Variants in CYREN observed in about 807,000 individuals in gnomAD.
CYREN encodes the protein cell cycle regulator of NHEJ.
CYREN carries 7 observed loss-of-function variants against 9.7 expected under a neutral mutation model. That is an observed-to-expected ratio of 0.72 (90% confidence interval 0.41 to 1.36). The LOEUF is 1.36. Ranked by LOEUF, CYREN falls within the 40% of genes most tolerant of loss-of-function variation. The pLI is 0.01. For missense variants in CYREN, 215 were observed against 198.1 expected (o/e 1.09, Z -0.51); for synonymous variants, 76 against 77.9 (o/e 0.98, Z 0.13).
intron 2 of CYREN, among the ~76,000 whole-genome samples, chr7:135,102,598 G>A (rs1824008235): frequency 9.1e-6 from 1 of 110,330 alleles, no homozygotes; most frequent in South Asian, 3.9e-4. Context: ...CTTTCAGTAT[G>A]AGAGAACTTT....
exon 3 of CYREN, chr7:135,094,437 C>T (rs1822337930): frequency 2.2e-6 from 1 of 456,540 alleles, no homozygotes; most frequent in South Asian, 1.5e-5. Context: ...GTGATTTTAA[C>T]AAATTGCCAG....
chr7:135,165,253 T>C (rs1245612289), downstream of CYREN: 3 of 419,008 alleles, frequency 7.2e-6, no homozygotes, highest in Non-Finnish European at 1.3e-5. Flanking sequence ...ATGCAGCTCA[T>C]TGTCACACCA....
At chr7:135,157,363 G>A (rs1422814529) in intron 2 of CYREN, among the ~76,000 whole-genome samples, 1 of 152,228 alleles carries the variant, frequency 6.6e-6, no homozygotes, top group East Asian at 1.9e-4. Flanking sequence ...TTTCCTCAGT[G>A]GGATAGAGTA....
chr7:135,155,982 T>G (rs776109744), intron 2 of CYREN, among the ~76,000 whole-genome samples: 3 of 152,202 alleles, frequency 2.0e-5, no homozygotes, highest in Admixed American at 6.5e-5. Context: ...TTTCTCCTTT[T>G]ATAAAGCTTA....
At chr7:135,105,221 C>T (rs1308175577) in intron 2 of CYREN, among the ~76,000 whole-genome samples, 1 of 152,080 alleles carries the variant, frequency 6.6e-6, no homozygotes, top group Non-Finnish European at 1.5e-5. Context: ...AGGTGCCCAC[C>T]ACCACGTCTG....
intron 2 of CYREN, among the ~76,000 whole-genome samples, chr7:135,111,168 C>T (rs1317332335): frequency 2.9e-5 from 4 of 138,962 alleles, no homozygotes; most frequent in African/African-American, 1.0e-4. Flanking sequence ...ATCCTTCCTT[C>T]TTGTTTCAAA....
At chr7:135,127,137 T>G (rs1030391569) in intron 2 of CYREN, among the ~76,000 whole-genome samples, 1 of 151,814 alleles carries the variant, frequency 6.6e-6, no homozygotes, top group African/African-American at 2.4e-5. Flanking sequence ...AGGTCTAATA[T>G]CCAGAATTTA....
intron 2 of CYREN, among the ~76,000 whole-genome samples, chr7:135,156,644 G>T (rs1446274705): frequency 6.6e-6 from 1 of 152,022 alleles, no homozygotes; most frequent in Non-Finnish European, 1.5e-5. Flanking sequence ...TTAGTTTTCA[G>T]ATTTCTCTTG....
chr7:135,097,257 A>G (rs1041769212), intron 2 of CYREN, among the ~76,000 whole-genome samples: 3 of 152,148 alleles, frequency 2.0e-5, no homozygotes, highest in African/African-American at 7.2e-5. Flanking sequence ...CTTAAAGGGT[A>G]GAGCTCATTT....
intron 2 of CYREN, chr7:135,148,129 A>C (rs113262738): frequency 2.2e-6 from 1 of 454,090 alleles, no homozygotes; most frequent in African/African-American, 2.0e-5. Context: ...TCAGGACTGC[A>C]TCTGCCTGCC....
intron 3 of CYREN, 78 bp from the exon 4 acceptor site, chr7:135,166,949 T>G: frequency 6.4e-7 from 1 of 1,559,714 alleles, no homozygotes; most frequent in Non-Finnish European, 8.7e-7. Context: ...TAACACAGGA[T>G]GTATCTAGAA....
intron 2 of CYREN, among the ~76,000 whole-genome samples, chr7:135,131,305 G>A (rs1163018238): frequency 1.3e-5 from 2 of 151,974 alleles, no homozygotes; most frequent in Non-Finnish European, 2.9e-5. Context: ...ACACACCAGG[G>A]CCTGTTGCGG....
At chr7:135,139,488 A>G (rs1406196315) in intron 2 of CYREN, among the ~76,000 whole-genome samples, 2 of 150,948 alleles carry the variant, frequency 1.3e-5, no homozygotes, top group African/African-American at 2.4e-5. Context: ...CCTTTCTTAG[A>G]TGCATAGTTT....
At position 135,102,586 on chromosome 7, in the gene CYREN, T is replaced by G. The variant is rs1384782383; in HGVS notation, n.357-8004A>C. ...TGAAGGCTTAAATTTTCACCAAGAG[T>G]ACTTTCAGTATGAGAGAACTTTGGT... On this transcript the variant is annotated intron_variant and non_coding_transcript_variant, in intron 2 of 2. Coordinates refer to the CYREN transcript ENST00000459937. 1.8e-4 allele frequency among the ~76,000 whole-genome samples: 26 copies of G among 141,250 alleles called. 1 individual carries two copies. Among genetic ancestry groups the G allele is most frequent in the Non-Finnish European group, 1.6e-5 (1 of 64,392 alleles). The allele number at this position is 141,250 out of a possible 152,430, so 92.7% of individuals were successfully genotyped here.
intron 2 of CYREN, among the ~76,000 whole-genome samples, chr7:135,099,407 T>C (rs757312585): frequency 1.3e-5 from 2 of 152,208 alleles, no homozygotes; most frequent in African/African-American, 2.4e-5. Context: ...TAATTGAAGA[T>C]AAGCTCAATT....
intron 2 of CYREN, among the ~76,000 whole-genome samples, chr7:135,095,041 C>T (rs1222817846): frequency 1.3e-5 from 2 of 152,130 alleles, no homozygotes; most frequent in African/African-American, 4.8e-5. Context: ...GAGTAAGTAG[C>T]CCAAGATAGA....
At chr7:135,134,176 C>G (rs1394395343) in intron 2 of CYREN, among the ~76,000 whole-genome samples, 3 of 152,000 alleles carry the variant, frequency 2.0e-5, no homozygotes, top group Non-Finnish European at 4.4e-5. Flanking sequence ...TGATATTGTT[C>G]TATGGTTTTG....
chr7:135,153,414 A>G lies in CYREN; in HGVS notation n.356+15335T>C, dbSNP rs1050569943. On this transcript the variant is annotated intron_variant and non_coding_transcript_variant, in intron 2 of 2. Coordinates refer to the CYREN transcript ENST00000459937. Reference sequence around the variant, plus strand: ...GGTTGCAGTGAGCTGAGATCATGCCACTGCACTCCAGCCTGGGCAACACAG... The same window carrying G: ...GGTTGCAGTGAGCTGAGATCATGCCGCTGCACTCCAGCCTGGGCAACACAG... 2.1e-5 allele frequency among the ~76,000 whole-genome samples: 3 copies of G among 141,298 alleles called. No individual in the cohort carries two copies. In the Admixed American group the frequency reaches 2.4e-4, roughly 11 times the overall value. The allele number at this position is 141,298 out of a possible 152,430, so 92.7% of individuals were successfully genotyped here.
At chr7:135,138,697 A>C (rs1829399134) in intron 2 of CYREN, among the ~76,000 whole-genome samples, 1 of 151,982 alleles carries the variant, frequency 6.6e-6, no homozygotes, top group Non-Finnish European at 1.5e-5. Context: ...CATTCATGTA[A>C]TAAGCATAAT....
Sources: gnomAD v4.1 joint callset for allele counts (sites outside exome capture counted in the v4.1 genomes callset) on GRCh38, gnomAD v4.1.1 for gene constraint, MANE v1.5 for transcripts, NCBI Gene and HGNC (gene_info 2026-07-23, HGNC 2026-07-21) for gene names.